GRID2: variants seen among roughly 807,000 people sequenced by gnomAD.
GRID2 encodes glutamate ionotropic receptor delta type subunit 2.
GRID2 carries 33 observed loss-of-function variants against 114.8 expected under a neutral mutation model. The observed-to-expected ratio is 0.29, with a 90% confidence interval of 0.22 to 0.38. GRID2 has a LOEUF of 0.38. GRID2 is among the 10% of genes least tolerant of loss of function. GRID2 has a pLI of 1.00. For synonymous variants in GRID2, 505 were observed against 449.9 expected, an observed-to-expected ratio of 1.12 and a Z score of -1.55; for missense variants, 1,184 against 1,257.7, an observed-to-expected ratio of 0.94 and a Z score of 0.89.
intron 13 of GRID2, among the ~76,000 whole-genome samples, chr4:93,561,463 A>G (rs1734920706): frequency 6.6e-6 from 1 of 152,106 alleles, no homozygotes; most frequent in Non-Finnish European, 1.5e-5. Context: ...CTAAACATGT[A>G]TAGCCTCCCT....
At chr4:92,704,576 A>C (rs2149304082) in intron 2 of GRID2, among the ~76,000 whole-genome samples, 1 of 152,324 alleles carries the variant, frequency 6.6e-6, no homozygotes, top group East Asian at 1.9e-4. Context: ...ATTTGTCTTT[A>C]AAATTATCAT....
chr4:92,794,874 TTATA>T (rs34559735), intron 2 of GRID2, among the ~76,000 whole-genome samples: 6,008 of 105,962 alleles, frequency 0.057, 191 homozygotes, highest in Admixed American at 0.098. Context: ...AATAATTGTT[TTATA>T]TATATATATA....
At chr4:92,982,916 A>G (rs1441012980) in intron 2 of GRID2, among the ~76,000 whole-genome samples, 1 of 152,126 alleles carries the variant, frequency 6.6e-6, no homozygotes, top group African/African-American at 2.4e-5. Flanking sequence ...AAATTATACT[A>G]TATATCCTAT....
chr4:93,687,089 A>G (rs1375331670), intron 14 of GRID2, among the ~76,000 whole-genome samples: 1 of 152,042 alleles, frequency 6.6e-6, no homozygotes, highest in Non-Finnish European at 1.5e-5. Flanking sequence ...GGAGACAGTG[A>G]GAAGTGTTCA....
intron 2 of GRID2, among the ~76,000 whole-genome samples, chr4:92,719,727 G>A (rs1021539271): frequency 6.6e-6 from 1 of 151,998 alleles, no homozygotes. Context: ...GAGAACTACA[G>A]GGGGGAGAAT....
intron 2 of GRID2, among the ~76,000 whole-genome samples, chr4:92,882,408 T>A (rs1746094914): frequency 6.6e-6 from 1 of 152,192 alleles, no homozygotes; most frequent in Non-Finnish European, 1.5e-5. Context: ...AGCAAGACTT[T>A]TAAATAATGT....
chr4:92,445,104 T>A (rs1733381546), intron 1 of GRID2, among the ~76,000 whole-genome samples: 1 of 152,212 alleles, frequency 6.6e-6, no homozygotes, highest in Non-Finnish European at 1.5e-5. Flanking sequence ...AGGCTTATTA[T>A]GTGCTAGATA....
intron 2 of GRID2, among the ~76,000 whole-genome samples, chr4:92,904,042 A>G (rs529702487): frequency 3.3e-5 from 5 of 152,022 alleles, no homozygotes; most frequent in African/African-American, 1.2e-4. Context: ...GAATAGTACT[A>G]TATTCTGTCT....
chr4:93,776,108 A>G (rs1038335818), downstream of GRID2, among the ~76,000 whole-genome samples: 16 of 152,234 alleles, frequency 1.1e-4, no homozygotes, highest in Admixed American at 9.2e-4. Context: ...GCTGGTAAAC[A>G]TAGGTTTTAT....
chr4:92,370,428 G>C lies in GRID2; in HGVS notation c.88+65684G>C, dbSNP rs370414677. On this transcript the variant is annotated intron_variant, in intron 1 of 15. Transcript: ENST00000282020. ...ACACTTTGGGAGGCTGAGGCGGGCG[G>C]ATCACGAGGTCAGGAGTTCAAGACC... 3.7e-4 allele frequency among the ~76,000 whole-genome samples: 57 copies of C among 152,090 alleles called. No individual in the cohort carries two copies. In the East Asian group the frequency reaches 8.7e-3, roughly 23 times the overall value.
At chr4:93,009,551 T>A (rs981813526) in intron 2 of GRID2, among the ~76,000 whole-genome samples, 1 of 152,146 alleles carries the variant, frequency 6.6e-6, no homozygotes, top group African/African-American at 2.4e-5. Flanking sequence ...ATTTTCATTT[T>A]TCCTTGTGGG....
intron 2 of GRID2, among the ~76,000 whole-genome samples, chr4:93,015,069 G>T (rs953874726): frequency 2.6e-5 from 4 of 152,086 alleles, no homozygotes; most frequent in Admixed American, 2.0e-4. Flanking sequence ...TTAATGTAAG[G>T]TTCTTAACAG....
chr4:93,384,195 G>C (rs1420700464), intron 8 of GRID2, among the ~76,000 whole-genome samples: 1 of 152,090 alleles, frequency 6.6e-6, no homozygotes, highest in Admixed American at 6.6e-5. Context: ...CTATTCATGA[G>C]GGAAGAACCC....
chr4:92,802,162 G>A (rs1280426823), intron 2 of GRID2, among the ~76,000 whole-genome samples: 1 of 151,760 alleles, frequency 6.6e-6, no homozygotes, highest in Non-Finnish European at 1.5e-5. Context: ...TAGGCTCATA[G>A]CAACATTGAC....
At chr4:93,401,026 G>A (rs532960323) in intron 9 of GRID2, among the ~76,000 whole-genome samples, 3 of 151,982 alleles carry the variant, frequency 2.0e-5, no homozygotes, top group African/African-American at 7.2e-5. Context: ...AGAGACAGGG[G>A]CTCGCTATGT....
intron 8 of GRID2, among the ~76,000 whole-genome samples, chr4:93,270,206 A>T (rs1751288581): frequency 9.2e-6 from 1 of 109,056 alleles, no homozygotes; most frequent in South Asian, 3.1e-4. Context: ...TCTCTCTCTC[A>T]CACACACATA....
chr4:92,305,453 C>A (rs916296037), intron 1 of GRID2, among the ~76,000 whole-genome samples: 6 of 152,140 alleles, frequency 3.9e-5, no homozygotes, highest in African/African-American at 1.4e-4. Flanking sequence ...GACCCCGGGG[C>A]GCTTGGGAAA....
intron 14 of GRID2, among the ~76,000 whole-genome samples, chr4:93,631,155 G>A (rs10516928): frequency 6.6e-6 from 1 of 151,812 alleles, no homozygotes; most frequent in East Asian, 1.9e-4. Context: ...GCTATACTGC[G>A]TTTCACAAAA....
chr4:93,216,887 G>C lies in GRID2; in HGVS notation c.939G>C (p.Lys313Asn). 1 of 1,612,616 alleles carries C rather than the reference G, an allele frequency of 6.2e-7. No individual in the cohort carries two copies. Among genetic ancestry groups the C allele is most frequent in the African/African-American group, 1.3e-5 (1 of 74,950 alleles). The change falls in exon 6 of 16, where the codon AAG becomes AAC. Residue 313 changes from lysine (K) to asparagine (N), a missense_variant. Around this residue, in one of 3 missense-constraint regions of GRID2, gnomAD observed 455 missense variants for 429.5 expected, o/e 1.06. Transcript: ENST00000282020. Reference protein sequence around the residue: ...HRISSTLCDPKDPFAQNMEIS... With the variant: ...HRISSTLCDPNDPFAQNMEIS... Reference sequence around the variant, plus strand: ...TATCTTCAACATTGTGTGATCCAAAGGATCCATTTGCTCAGAATATGGAGG... The same window carrying C: ...TATCTTCAACATTGTGTGATCCAAACGATCCATTTGCTCAGAATATGGAGG...
Sources: gnomAD v4.1 joint callset for allele counts (sites outside exome capture counted in the v4.1 genomes callset) on GRCh38, gnomAD v4.1.1 for gene constraint, gnomAD v4.1.1 regional missense constraint, MANE v1.5 for transcripts, NCBI Gene and HGNC (gene_info 2026-07-23, HGNC 2026-07-21) for gene names.